Variants in PPFIA1 observed in about 807,000 individuals in gnomAD.
The protein encoded by PPFIA1 is PPFI scaffold protein A1.
PPFIA1 carries 25 observed loss-of-function variants against 149.9 expected under a neutral mutation model. That is an observed-to-expected ratio of 0.17 (90% CI 0.12 to 0.23). PPFIA1 has a LOEUF of 0.23. Among genes scored for constraint, PPFIA1 ranks in the 10% least tolerant of loss-of-function variants. The pLI, the probability that PPFIA1 is intolerant of heterozygous loss-of-function variation, is 1.00. For synonymous variants in PPFIA1, 549 were observed against 552.8 expected (o/e 0.99, Z 0.10); for missense variants, 1,362 against 1,506.5 (o/e 0.90, Z 1.59).
At position 70,383,666 on chromosome 11, in the gene PPFIA1, A is replaced by G. The variant is rs546507541; in HGVS notation, c.*676A>G. 6.5e-6 allele frequency: 1 copy of G among 153,692 alleles called. No individual in the cohort carries two copies. The highest frequency in any genetic ancestry group is 6.5e-5 in the Admixed American group (1 of 15,314). The allele number at this position is 153,692 out of a possible 1,614,324, so 9.5% of individuals were successfully genotyped here. A position where few individuals can be genotyped will look rare whatever the true frequency, so the allele number is the denominator to read the frequency against. On this transcript the variant is annotated 3_prime_UTR_variant, in exon 28 of 28. Coordinates refer to ENST00000253925, the MANE Select transcript of PPFIA1 (RefSeq NM_003626.5). ...TGTGGACTGAAAACACTATCACAAC[A>G]CTATGAGAAGCCCCTAGCACTGGTT...
chr11:70,299,128 A>G lies in PPFIA1; in HGVS notation c.265-25274A>G, dbSNP rs531047417. Among the ~76,000 whole-genome samples the G allele has an allele frequency of 3.9e-5, 6 of 152,072 alleles. No individual in the cohort carries two copies. In the East Asian group the frequency reaches 7.8e-4, roughly 20 times the overall value. On this transcript the variant is annotated intron_variant, in intron 2 of 27. Transcript: ENST00000253925. ...GTGGTGCACACCTGTAGTTCCAGCTATTTGGGAGGCTGAGACAAGAGGATC... is the reference window on the plus strand; with the variant it reads ...GTGGTGCACACCTGTAGTTCCAGCTGTTTGGGAGGCTGAGACAAGAGGATC...
At chr11:70,277,783 C>T (rs2050502764) in intron 2 of PPFIA1, among the ~76,000 whole-genome samples, 4 of 152,100 alleles carry the variant, frequency 2.6e-5, no homozygotes, top group Admixed American at 2.6e-4. Context: ...AGCCACTGCG[C>T]CCAGCCTATA....
At chr11:70,316,852 A>G (rs1007914258) in intron 2 of PPFIA1, among the ~76,000 whole-genome samples, 1 of 152,242 alleles carries the variant, frequency 6.6e-6, no homozygotes, top group African/African-American at 2.4e-5. Context: ...TGTCTGGTCT[A>G]TATAATATGA....
intron 2 of PPFIA1, among the ~76,000 whole-genome samples, chr11:70,318,135 A>C (rs1449977749): frequency 6.6e-6 from 1 of 152,110 alleles, no homozygotes; most frequent in Non-Finnish European, 1.5e-5. Context: ...AGAGGCCCTA[A>C]GTGCCGCCAG....
At position 70,363,854 on chromosome 11, in the gene PPFIA1, A is replaced by G. The variant is rs12224603; in HGVS notation, c.2865+1366A>G. ...AATATAGGTGACATACTAGTAAGAGATACTTGTTATCCCACCGTCAAAACT... is the reference window on the plus strand; with the variant it reads ...AATATAGGTGACATACTAGTAAGAGGTACTTGTTATCCCACCGTCAAAACT... On this transcript the variant is annotated intron_variant, in intron 21 of 27. Coordinates refer to ENST00000253925, the MANE Select transcript of PPFIA1 (RefSeq NM_003626.5). 5.3e-5 allele frequency among the ~76,000 whole-genome samples: 8 copies of G among 152,010 alleles called. No individual in the cohort carries two copies. The East Asian group carries it at 1.6e-3, about 30-fold the overall frequency.
At chr11:70,339,985 C>T (rs1361743507) in intron 14 of PPFIA1, among the ~76,000 whole-genome samples, 1 of 151,946 alleles carries the variant, frequency 6.6e-6, no homozygotes, top group East Asian at 1.9e-4. Context: ...GCACTCCAGC[C>T]TGGGCTACAA....
chr11:70,331,820 C>A, intron 8 of PPFIA1, 140 bp from the exon 9 acceptor site: 1 of 941,872 alleles, frequency 1.1e-6, no homozygotes, highest in Non-Finnish European at 1.5e-6. Flanking sequence ...AAAAACCTGA[C>A]CCAGAAGCAA....
rs1304262186 is a variant in PPFIA1, at chr11:70,326,723, C to T, written c.835C>T (p.His279Tyr). The change falls in exon 7 of 28, where the codon CAT becomes TAT. Residue 279 changes from histidine (H) to tyrosine (Y), a missense_variant. Physicochemically the swap from His to Tyr is moderately conservative, Grantham distance 83. Around this residue, in one of 7 missense-constraint regions of PPFIA1, gnomAD observed 733 missense variants for 744.1 expected, o/e 0.99. Coordinates refer to ENST00000253925, the MANE Select transcript of PPFIA1 (RefSeq NM_003626.5). ...MKERLASLSS[H>Y]VTELEEDLDT... Reference sequence around the variant, plus strand: ...AGAACGCCTGGCTTCCCTTTCCAGTCATGTGACAGAACTGGAAGAGGATCT... The same window carrying T: ...AGAACGCCTGGCTTCCCTTTCCAGTTATGTGACAGAACTGGAAGAGGATCT... 6.2e-7 allele frequency: 1 copy of T among 1,613,998 alleles called. No homozygotes were observed.
Position 70,272,441 on chromosome 11 carries a change from G to C in PPFIA1, c.264+5G>C, listed in dbSNP as rs1258116159. 6.3e-7 allele frequency: 1 copy of C among 1,597,360 alleles called. No individual in the cohort carries two copies. The highest frequency in any genetic ancestry group is 1.1e-5 in the South Asian group (1 of 89,056). Reference sequence around the variant, plus strand: ...CTCAACACGGCACTTCCACAGGTATGAGTGCTTTTAACCTGAAACTATAGA... The same window carrying C: ...CTCAACACGGCACTTCCACAGGTATCAGTGCTTTTAACCTGAAACTATAGA... On this transcript the variant is annotated splice_donor_5th_base_variant and intron_variant, in intron 2 of 27. Coordinates refer to ENST00000253925, the MANE Select transcript of PPFIA1 (RefSeq NM_003626.5).
chr11:70,344,381 C>A (rs1482034795), intron 15 of PPFIA1, among the ~76,000 whole-genome samples: 1 of 152,246 alleles, frequency 6.6e-6, no homozygotes, highest in Admixed American at 6.5e-5. Context: ...GCTGCCTCCA[C>A]AGGCCAGTGC....
In PPFIA1 at chr11:70,300,815, G is replaced by A. The variant is rs540868121; in HGVS notation, c.265-23587G>A. 3.3e-5 allele frequency among the ~76,000 whole-genome samples: 5 copies of A among 152,336 alleles called. No homozygotes were observed. The East Asian group carries it at 9.6e-4, about 29-fold the overall frequency. ...CCCAAAGTGCTGGGATTACAGGCAT[G>A]AGCCACCGCGCCCGGCCTACTCCAA... On this transcript the variant is annotated intron_variant, in intron 2 of 27. Transcript: ENST00000253925.
In PPFIA1 at chr11:70,348,294, C is replaced by T. The variant is rs1040461185; in HGVS notation, c.2037C>T (p.Ser679=). Residue 679 remains serine (S), a synonymous_variant, in exon 16 of 28, where the codon AGC becomes AGT. Coordinates refer to ENST00000253925, the MANE Select transcript of PPFIA1 (RefSeq NM_003626.5). ...ATCTTGGTCGTTTTAGATCAATGAG[C>T]TCCATTCCCCCCTACCCTGCTTCCT... is the stretch of plus-strand genomic sequence containing the variant. The part of the protein sequence containing the change: ...LDNLGRFRSM[S]SIPPYPASSL... The T allele has an allele frequency of 2.5e-6, 4 of 1,614,206 alleles. No homozygotes were observed. The highest frequency in any genetic ancestry group is 3.4e-6 in the Non-Finnish European group (4 of 1,180,020).
intron 2 of PPFIA1, among the ~76,000 whole-genome samples, chr11:70,283,288 C>T (rs2050889215): frequency 6.6e-6 from 1 of 151,844 alleles, no homozygotes. Flanking sequence ...TTGAAAGCAA[C>T]AAATGAGATT....
At chr11:70,348,956 G>T (rs1468277299) in intron 16 of PPFIA1, among the ~76,000 whole-genome samples, 1 of 152,076 alleles carries the variant, frequency 6.6e-6, no homozygotes, top group Non-Finnish European at 1.5e-5. Context: ...GTGACATTAG[G>T]CATGACATCT....
chr11:70,308,129 A>G (rs972992466), intron 2 of PPFIA1, among the ~76,000 whole-genome samples: 8 of 152,200 alleles, frequency 5.3e-5, no homozygotes, highest in African/African-American at 1.9e-4. Context: ...GCTCACCGCA[A>G]CCTTCGCCTC....
At chr11:70,295,518 C>T (rs1207957198) in intron 2 of PPFIA1, among the ~76,000 whole-genome samples, 13 of 142,990 alleles carry the variant, frequency 9.1e-5, no homozygotes, top group Admixed American at 8.8e-4. Context: ...GCTGACCCCC[C>T]CCACCTCCCT....
At chr11:70,366,448 A>G (rs185253893) in intron 21 of PPFIA1, among the ~76,000 whole-genome samples, 453 of 152,362 alleles carry the variant, frequency 3.0e-3, no homozygotes, top group African/African-American at 0.01. Flanking sequence ...TTTTCTTACT[A>G]ATGGAATCCT....
chr11:70,365,610 A>AT (rs1442852279), intron 21 of PPFIA1: 6 of 352,854 alleles, frequency 1.7e-5, no homozygotes, highest in African/African-American at 8.6e-5. Context: ...TTTATTTTAG[A>AT]TTTTTTCCAG....
At chr11:70,372,071 G>A (rs2057293781) in intron 21 of PPFIA1, 144 bp from the exon 22 acceptor site, 1 of 667,006 alleles carries the variant, frequency 1.5e-6, no homozygotes, top group Admixed American at 3.6e-5. Context: ...GGTGAGAAGA[G>A]ATCAAATTAT....
Sources: gnomAD v4.1 joint callset for allele counts (sites outside exome capture counted in the v4.1 genomes callset) on GRCh38, gnomAD v4.1.1 for gene constraint, gnomAD v4.1.1 regional missense constraint, MANE v1.5 for transcripts, NCBI Gene and HGNC (gene_info 2026-07-23, HGNC 2026-07-21) for gene names.